The following JAK2 variants were observed in gnomAD, a reference collection of about 807,000 sequenced individuals.
JAK2 encodes the protein tyrosine-protein kinase JAK2.
Under a neutral mutation model 139.3 loss-of-function variants are expected in JAK2, and 86 were observed. That is an observed-to-expected ratio of 0.62 (90% CI 0.52 to 0.74). The LOEUF is 0.74. Ranked by LOEUF, JAK2 falls within the 30% of genes least tolerant of loss-of-function variation. The pLI is 0.00. For missense variants in JAK2, 1,421 were observed against 1,360.3 expected, an observed-to-expected ratio of 1.04 and a Z score of -0.70; for synonymous variants, 490 against 437.7, an observed-to-expected ratio of 1.12 and a Z score of -1.49.
chr9:5,091,055 T>TTTAGGTC, intron 22 of JAK2, 144 bp downstream of exon 22: 2 of 610,682 alleles, frequency 3.3e-6, no homozygotes, highest in African/African-American at 3.8e-5. Flanking sequence ...CTTTTTTTTT[T>TTTAGGTC]TAGGTCTTAT....
chr9:5,086,715 G>T (rs1406581559), intron 19 of JAK2, among the ~76,000 whole-genome samples: 2 of 152,052 alleles, frequency 1.3e-5, no homozygotes, highest in African/African-American at 4.8e-5. Flanking sequence ...AAATCTCCCT[G>T]TCTGACTATA....
intron 8 of JAK2, among the ~76,000 whole-genome samples, chr9:5,056,192 T>C (rs1198997000): frequency 2.0e-5 from 3 of 152,140 alleles, no homozygotes; most frequent in African/African-American, 7.2e-5. Context: ...GTCTGGAATT[T>C]ATATAACAAA....
chr9:5,083,781 A>C (rs1045893191), intron 19 of JAK2, among the ~76,000 whole-genome samples: 2 of 86,650 alleles, frequency 2.3e-5, no homozygotes, highest in African/African-American at 2.3e-4. Flanking sequence ...TTATCTTTTC[A>C]AGTAATTTTT....
At chr9:4,986,791 C>A (rs1339345036) in intron 2 of JAK2, among the ~76,000 whole-genome samples, 1 of 152,152 alleles carries the variant, frequency 6.6e-6, no homozygotes, top group Admixed American at 6.5e-5. Context: ...AGACCTTATT[C>A]ACACAGCCAC....
At chr9:5,025,483 T>G (rs1228769149) in intron 3 of JAK2, among the ~76,000 whole-genome samples, 2 of 152,012 alleles carry the variant, frequency 1.3e-5, no homozygotes, top group Non-Finnish European at 2.9e-5. Flanking sequence ...TCTGTCTCTT[T>G]CTTGCTCCTT....
chr9:5,000,184 T>C (rs1345196658), intron 2 of JAK2, among the ~76,000 whole-genome samples: 1 of 152,196 alleles, frequency 6.6e-6, no homozygotes, highest in African/African-American at 2.4e-5. Context: ...TTATAGTGTT[T>C]ATAATATGCA....
intron 8 of JAK2, among the ~76,000 whole-genome samples, chr9:5,064,555 C>T (rs1018984454): frequency 6.6e-6 from 1 of 151,436 alleles, no homozygotes; most frequent in African/African-American, 2.4e-5. Context: ...AAAGGAAATG[C>T]TCATGATTTC....
intron 2 of JAK2, among the ~76,000 whole-genome samples, chr9:4,988,330 A>C (rs1587789480): frequency 1.3e-5 from 2 of 152,218 alleles, no homozygotes; most frequent in African/African-American, 4.8e-5. Context: ...ATGTATTTTC[A>C]GAGGTTGCTC....
rs1820539853 is a variant in JAK2 at position 5,091,108 on chromosome 9, T to C, written c.3059+197T>C. 8.8e-6 allele frequency: 4 copies of C among 455,064 alleles called. No homozygotes were observed. The East Asian group carries it at 1.5e-4, about 17-fold the overall frequency. The allele number at this position is 455,064 out of a possible 1,614,324, so 28.2% of individuals were successfully genotyped here. A position where few individuals can be genotyped will look rare whatever the true frequency, so the allele number is the denominator to read the frequency against. Reference sequence around the variant, plus strand: ...ACGTGGGAAAATGGCATATGCTTTATTTCTATTAAGTGTTGTCTTATTTAT... The same window carrying C: ...ACGTGGGAAAATGGCATATGCTTTACTTCTATTAAGTGTTGTCTTATTTAT... On this transcript the variant is annotated intron_variant, in intron 22 of 24. Transcript: ENST00000381652.
intron 22 of JAK2, among the ~76,000 whole-genome samples, chr9:5,121,248 C>G (rs1823598731): frequency 6.6e-6 from 1 of 152,134 alleles, no homozygotes; most frequent in South Asian, 2.1e-4. Context: ...AAGCAGTCCC[C>G]TAAGAGATTT....
At chr9:5,113,005 G>A (rs1322608018) in intron 22 of JAK2, among the ~76,000 whole-genome samples, 1 of 152,048 alleles carries the variant, frequency 6.6e-6, no homozygotes, top group Non-Finnish European at 1.5e-5. Context: ...AGAGTGATGG[G>A]GGCAAGGAAG....
At chr9:4,991,749 C>T (rs1168873483) in intron 2 of JAK2, among the ~76,000 whole-genome samples, 1 of 146,852 alleles carries the variant, frequency 6.8e-6, no homozygotes, top group African/African-American at 2.5e-5. Context: ...AACCACCTGT[C>T]CTCTGTACTT....
chr9:5,042,988 G>T (rs560473332), intron 4 of JAK2, among the ~76,000 whole-genome samples: 4 of 152,340 alleles, frequency 2.6e-5, no homozygotes, highest in East Asian at 1.9e-4. Flanking sequence ...GAAGCTGAGG[G>T]GGGTGGGCCG....
intron 8 of JAK2, among the ~76,000 whole-genome samples, chr9:5,063,794 T>C (rs1818352901): frequency 6.6e-6 from 1 of 152,258 alleles, no homozygotes. Context: ...AAAAATATAA[T>C]ACGTCTATAT....
chr9:4,992,874 TCTCAGTCCTGC>T lies in JAK2; in HGVS notation c.-26+6853_-26+6863del, dbSNP rs1388394650. On this transcript the variant is annotated intron_variant, in intron 2 of 24. Coordinates refer to ENST00000381652, the MANE Select transcript of JAK2 (RefSeq NM_004972.4). Reference sequence around the variant, plus strand: ...ACATGTTGCCAGTTCCTTGATTAGGTCTCAGTCCTGCTTCCTGGAAGTCATTCTTAATAGGA... The same window carrying T: ...ACATGTTGCCAGTTCCTTGATTAGGTTTCCTGGAAGTCATTCTTAATAGGA... Among the ~76,000 whole-genome samples, 4 of 152,336 alleles carry T rather than the reference TCTCAGTCCTGC, an allele frequency of 2.6e-5. No individual in the cohort carries two copies. In the East Asian group the frequency reaches 7.7e-4, roughly 29 times the overall value.
At chr9:5,029,243 A>G (rs1406832700) in intron 3 of JAK2, among the ~76,000 whole-genome samples, 2 of 152,178 alleles carry the variant, frequency 1.3e-5, no homozygotes, top group Non-Finnish European at 2.9e-5. Context: ...AAGGAGAGGG[A>G]GAGACACAGG....
In JAK2 at chr9:4,997,666, C is replaced by T. The variant is rs1210615654; in HGVS notation, c.-26+11644C>T. Among the ~76,000 whole-genome samples the T allele has an allele frequency of 3.9e-5, 6 of 152,218 alleles. No individual in the cohort carries two copies. In the South Asian group the frequency reaches 1.0e-3, roughly 26 times the overall value. On this transcript the variant is annotated intron_variant, in intron 2 of 24. Transcript: ENST00000381652. Reference sequence around the variant, plus strand: ...ACTGTATCAACCTTGCTGTACCCCTCAGCCTCATTTTATAGGCAACAATTG... The same window carrying T: ...ACTGTATCAACCTTGCTGTACCCCTTAGCCTCATTTTATAGGCAACAATTG...
chr9:5,105,555 A>G (rs1048868359), intron 22 of JAK2, among the ~76,000 whole-genome samples: 1 of 152,228 alleles, frequency 6.6e-6, no homozygotes, highest in African/African-American at 2.4e-5. Flanking sequence ...ATAGAACTGG[A>G]AACAACTACT....
At chr9:5,126,556 C>A (rs922071630) in intron 24 of JAK2, 110 bp downstream of exon 24, 1 of 934,314 alleles carries the variant, frequency 1.1e-6, no homozygotes, top group Non-Finnish European at 1.7e-6. Flanking sequence ...AGATAAACAG[C>A]ATAATCAGAT....
Sources: gnomAD v4.1 joint callset for allele counts (sites outside exome capture counted in the v4.1 genomes callset) on GRCh38, gnomAD v4.1.1 for gene constraint, MANE v1.5 for transcripts, NCBI Gene and HGNC (gene_info 2026-07-23, HGNC 2026-07-21) for gene names.